Variants in BAIAP2L1 observed in about 807,000 individuals in gnomAD.
The protein encoded by BAIAP2L1 is BAR/IMD domain-containing adapter protein 2-like 1.
A neutral mutation model predicts 66.3 loss-of-function variants in BAIAP2L1; 35 were observed. That is an observed-to-expected ratio of 0.53 (90% CI 0.40 to 0.70). The LOEUF (loss-of-function observed/expected upper bound fraction) is 0.70. Ranked by LOEUF, BAIAP2L1 falls within the 30% of genes least tolerant of loss-of-function variation. The pLI, the probability that BAIAP2L1 is intolerant of heterozygous loss-of-function variation, is 0.00. For synonymous variants in BAIAP2L1, 269 were observed against 248.7 expected (o/e 1.08, Z -0.77); for missense variants, 622 against 656.9 (o/e 0.95, Z 0.58).
chr7:98,293,344 C>G lies in BAIAP2L1; in HGVS notation c.*177G>C. The G allele has an allele frequency of 1.7e-6, 1 of 582,958 alleles. No homozygotes were observed. The highest frequency in any genetic ancestry group is 3.1e-6 in the Non-Finnish European group (1 of 326,536). The allele number at this position is 582,958 out of a possible 1,614,324, so 36.1% of individuals were successfully genotyped here. ...GACTATTACTCATTTATCTTAAAGG[C>G]AGAAACTTGTCAACCCAACTACGTG... On this transcript the variant is annotated 3_prime_UTR_variant, in exon 14 of 14. Transcript: ENST00000005260.
chr7:98,357,020 A>AAAAAAAAAAT (rs1554337328), intron 2 of BAIAP2L1, among the ~76,000 whole-genome samples: 1 of 28,100 alleles, frequency 3.6e-5, no homozygotes, highest in Non-Finnish European at 5.1e-5. Context: ...AAAAAAAAAA[A>AAAAAAAAAAT]ATATATATAT....
intron 3 of BAIAP2L1, among the ~76,000 whole-genome samples, chr7:98,353,857 G>A (rs1166296928): frequency 6.6e-6 from 1 of 150,456 alleles, no homozygotes; most frequent in Non-Finnish European, 1.5e-5. Flanking sequence ...AGCTACTTAG[G>A]AGGCTGAGGC....
chr7:98,392,870 G>GCACCCTCCGCCTCC (rs1803077899), intron 1 of BAIAP2L1, among the ~76,000 whole-genome samples: 1 of 150,924 alleles, frequency 6.6e-6, no homozygotes, highest in Non-Finnish European at 1.5e-5. Flanking sequence ...TCAGCTCACT[G>GCACCCTCCGCCTCC]CAACCTCCGC....
intron 1 of BAIAP2L1, among the ~76,000 whole-genome samples, chr7:98,379,172 C>A (rs1468505452): frequency 6.6e-6 from 1 of 152,148 alleles, no homozygotes; most frequent in Non-Finnish European, 1.5e-5. Flanking sequence ...AGCCACCGAG[C>A]CTGGCCAAAG....
chr7:98,302,606 C>A (rs1239405890), intron 12 of BAIAP2L1, among the ~76,000 whole-genome samples: 1 of 151,432 alleles, frequency 6.6e-6, no homozygotes, highest in African/African-American at 2.4e-5. Flanking sequence ...AGAAAGGACA[C>A]CAACAGCAAA....
At chr7:98,313,262 C>G (rs1800943514) in intron 7 of BAIAP2L1, among the ~76,000 whole-genome samples, 1 of 152,056 alleles carries the variant, frequency 6.6e-6, no homozygotes, top group African/African-American at 2.4e-5. Flanking sequence ...AGGGAAGCCA[C>G]AAAACCAGTT....
At chr7:98,395,733 AAT>A (rs148222484) in intron 1 of BAIAP2L1, among the ~76,000 whole-genome samples, 3 of 152,254 alleles carry the variant, frequency 2.0e-5, no homozygotes, top group Non-Finnish European at 4.4e-5. Flanking sequence ...TTTAAGCTGG[AAT>A]ATTGAGTTGG....
rs537187789 is a variant in BAIAP2L1 at position 98,392,074 on chromosome 7, G to A, written c.51+8728C>T. Among the ~76,000 whole-genome samples, 7 of 151,118 alleles carry A rather than the reference G, an allele frequency of 4.6e-5. No homozygotes were observed. The South Asian group carries it at 6.3e-4, about 14-fold the overall frequency. On this transcript the variant is annotated intron_variant, in intron 1 of 13. Coordinates refer to ENST00000005260, the MANE Select transcript of BAIAP2L1 (RefSeq NM_018842.5). ...AATTGAGCTGGGAACGACGGTGCAC[G>A]ACTGTAGTCCCTGTTACTTGGGAGG...
Position 98,362,465 on chromosome 7 carries a change from A to C in BAIAP2L1, c.52-33T>G, listed in dbSNP as rs771984393. The C allele has an allele frequency of 1.9e-6, 3 of 1,567,954 alleles. No individual in the cohort carries two copies. In the South Asian group the frequency reaches 3.5e-5, roughly 18 times the overall value. ...ACAAACAAAACACACAAATTAATAA[A>C]ATAAAAAATAAACCAAGTCATCTTC... On this transcript the variant is annotated intron_variant, in intron 1 of 13. Coordinates refer to ENST00000005260, the MANE Select transcript of BAIAP2L1 (RefSeq NM_018842.5).
At chr7:98,400,502 G>A (rs1803340497) in intron 1 of BAIAP2L1, among the ~76,000 whole-genome samples, 1 of 124,684 alleles carries the variant, frequency 8.0e-6, no homozygotes, top group Admixed American at 8.1e-5. Flanking sequence ...CGGAGGGGCA[G>A]AGGGAGAGGT....
rs5886065 is a variant in BAIAP2L1 at position 98,392,167 on chromosome 7, T to TAAA, written c.51+8632_51+8634dup. On this transcript the variant is annotated intron_variant, in intron 1 of 13. Coordinates refer to ENST00000005260, the MANE Select transcript of BAIAP2L1 (RefSeq NM_018842.5). ...GGGCAATGTAGCAAGACCCCCTCGC[T>TAAA]AAAAAAAAAAAAAAAAAAAAGTCTA... 7.9e-3 allele frequency among the ~76,000 whole-genome samples: 950 copies of TAAA among 120,702 alleles called. 10 individuals are homozygous for TAAA. Among genetic ancestry groups the TAAA allele is most frequent in the Middle Eastern group, 0.017 (4 of 232 alleles). The allele number at this position is 120,702 out of a possible 152,430, so 79.2% of individuals were successfully genotyped here.
intron 3 of BAIAP2L1, among the ~76,000 whole-genome samples, chr7:98,333,335 C>T (rs528438272): frequency 2.3e-4 from 35 of 152,004 alleles, no homozygotes; most frequent in Admixed American, 9.8e-4. Flanking sequence ...CGGTGGCTCA[C>T]ACCTATAATC....
chr7:98,400,885 G>C lies in BAIAP2L1; in HGVS notation c.-33C>G, dbSNP rs1252247507. ...GCCGCCGGGCGAGCAAGCGCGGGAG[G>C]ACGCGGCTGGGCCTCGTGGCCGCCG... On this transcript the variant is annotated 5_prime_UTR_variant, in exon 1 of 14. Transcript: ENST00000005260. The C allele has an allele frequency of 1.3e-6, 2 of 1,532,104 alleles. No individual in the cohort carries two copies. 94.9% of individuals were successfully genotyped at this position (1,532,104 alleles called of 1,614,324 possible). A position where few individuals can be genotyped will look rare whatever the true frequency, so the allele number is the denominator to read the frequency against.
At chr7:98,318,527 C>T (rs1259447006) in intron 5 of BAIAP2L1, among the ~76,000 whole-genome samples, 2 of 152,022 alleles carry the variant, frequency 1.3e-5, no homozygotes. Context: ...GATCCACCCG[C>T]CTTGGCCTCC....
intron 1 of BAIAP2L1, among the ~76,000 whole-genome samples, chr7:98,382,541 AG>A (rs1802783376): frequency 6.6e-6 from 1 of 152,196 alleles, no homozygotes; most frequent in Admixed American, 6.5e-5. Context: ...TACTAGACAA[AG>A]GTTTTACATT....
intron 7 of BAIAP2L1, among the ~76,000 whole-genome samples, chr7:98,313,484 C>A (rs1166775982): frequency 1.3e-5 from 2 of 152,098 alleles, no homozygotes; most frequent in Admixed American, 6.6e-5. Flanking sequence ...CAGCCTGCGA[C>A]CCTGGTGCCA....
chr7:98,362,679 T>C (rs775389139), intron 1 of BAIAP2L1, among the ~76,000 whole-genome samples: 2 of 152,182 alleles, frequency 1.3e-5, no homozygotes, highest in South Asian at 2.1e-4. Context: ...TGGAATCTGC[T>C]ATAAGCGGAG....
At chr7:98,348,842 C>T (rs573719460) in intron 3 of BAIAP2L1, among the ~76,000 whole-genome samples, 75 of 152,286 alleles carry the variant, frequency 4.9e-4, no homozygotes, top group African/African-American at 1.7e-3. Context: ...AAGTGTTGCC[C>T]GGGGTCACAC....
chr7:98,297,336 GA>G (rs1800234964), intron 12 of BAIAP2L1, among the ~76,000 whole-genome samples: 1 of 152,212 alleles, frequency 6.6e-6, no homozygotes, highest in Non-Finnish European at 1.5e-5. Context: ...CAGGTTGGGG[GA>G]CTAGTTGACC....
Sources: allele counts gnomAD v4.1 joint callset (sites outside exome capture counted in the v4.1 genomes callset), GRCh38; gene constraint gnomAD v4.1.1; transcripts MANE v1.5; gene names NCBI Gene and HGNC (gene_info 2026-07-23, HGNC 2026-07-21).